The following FOXP1 variants were observed in gnomAD, a reference collection of about 807,000 sequenced individuals.
The protein encoded by FOXP1 is forkhead box P1.
A neutral mutation model predicts 98.2 loss-of-function variants in FOXP1; 15 were observed. The ratio of observed to expected loss-of-function variants is 0.15; its 90% CI spans 0.10 to 0.24. The LOEUF is 0.24. Among genes scored for constraint, FOXP1 ranks in the 10% least tolerant of loss-of-function variants. The pLI, the probability that FOXP1 is intolerant of heterozygous loss-of-function variation, is 1.00. For synonymous variants in FOXP1, 371 were observed against 314.5 expected, an observed-to-expected ratio of 1.18 and a Z score of -1.90; for missense variants, 633 against 848.5, an observed-to-expected ratio of 0.75 and a Z score of 3.15.
chr3:71,315,159 C>A (rs1204482962), intron 4 of FOXP1, among the ~76,000 whole-genome samples: 1 of 150,692 alleles, frequency 6.6e-6, no homozygotes, highest in Non-Finnish European at 1.5e-5. Flanking sequence ...TAGAAACAAG[C>A]CCCTTTATAT....
At chr3:71,086,756 C>G (rs1381648041) in intron 7 of FOXP1, among the ~76,000 whole-genome samples, 1 of 152,176 alleles carries the variant, frequency 6.6e-6, no homozygotes, top group Non-Finnish European at 1.5e-5. Context: ...AGCAGAAAAC[C>G]AATTTATGTA....
chr3:71,539,875 C>CTA, intron 2 of FOXP1, among the ~76,000 whole-genome samples: 1 of 152,262 alleles, frequency 6.6e-6, no homozygotes, highest in South Asian at 2.1e-4. Flanking sequence ...CAGGGAGATA[C>CTA]TATATGTCAA....
At chr3:71,237,174 A>G (rs1012185106) in intron 5 of FOXP1, among the ~76,000 whole-genome samples, 47 of 135,060 alleles carry the variant, frequency 3.5e-4, no homozygotes, top group Admixed American at 6.7e-4. Context: ...AGAGGTTGCA[A>G]TGAACTGAGA....
chr3:71,330,470 A>T (rs529564563), intron 4 of FOXP1, among the ~76,000 whole-genome samples: 1 of 152,354 alleles, frequency 6.6e-6, no homozygotes, highest in South Asian at 2.1e-4. Flanking sequence ...GATATTGACC[A>T]TAGGAATGAA....
chr3:71,237,015 C>T lies in FOXP1; in HGVS notation c.-11-38623G>A, dbSNP rs149302977. Among the ~76,000 whole-genome samples, 732 of 151,428 alleles carry T rather than the reference C, an allele frequency of 4.8e-3. 7 individuals are homozygous for T. The highest frequency in any genetic ancestry group is 0.017 in the African/African-American group (712 of 41,376). ...TTGAAAGGCCGAGGCGGGCAAATCA[C>T]GAGGTCAGGAGTTTGAGACCAGCCT... On this transcript the variant is annotated intron_variant, in intron 5 of 20. Coordinates refer to ENST00000649528, the MANE Select transcript of FOXP1 (RefSeq NM_001349338.3).
intron 4 of FOXP1, among the ~76,000 whole-genome samples, chr3:71,349,789 A>G (rs1236872567): frequency 1.3e-5 from 2 of 152,210 alleles, no homozygotes; most frequent in African/African-American, 4.8e-5. Flanking sequence ...CAGAGGGCTT[A>G]CCAGGTGATA....
At chr3:71,572,504 T>TAA (rs3068915) in intron 2 of FOXP1, 2 of 151,778 alleles carry the variant, frequency 1.3e-5, no homozygotes, top group Non-Finnish European at 2.9e-5. Context: ...TGAATTTTAC[T>TAA]GTTGTTTATT....
chr3:71,065,197 C>T (rs1183013069), intron 7 of FOXP1, among the ~76,000 whole-genome samples: 1 of 151,570 alleles, frequency 6.6e-6, no homozygotes, highest in Non-Finnish European at 1.5e-5. Context: ...TGACCCGCCT[C>T]CGGCTGACGT....
intron 4 of FOXP1, among the ~76,000 whole-genome samples, chr3:71,341,551 C>T (rs1303343964): frequency 1.3e-5 from 2 of 151,922 alleles, no homozygotes; most frequent in Non-Finnish European, 2.9e-5. Context: ...GGTGGATCAC[C>T]TGAGGTCAGG....
At chr3:71,331,260 G>T (rs971481456) in intron 4 of FOXP1, among the ~76,000 whole-genome samples, 1 of 152,202 alleles carries the variant, frequency 6.6e-6, no homozygotes, top group Non-Finnish European at 1.5e-5. Flanking sequence ...GGGCAGTGAG[G>T]GGCTTAGCAC....
intron 7 of FOXP1, among the ~76,000 whole-genome samples, chr3:71,109,110 A>G (rs1451641037): frequency 6.6e-6 from 1 of 152,264 alleles, no homozygotes; most frequent in African/African-American, 2.4e-5. Flanking sequence ...AGCAATATCT[A>G]TACCCGATTA....
intron 5 of FOXP1, among the ~76,000 whole-genome samples, chr3:71,208,117 G>C (rs2064181304): frequency 6.6e-6 from 1 of 152,186 alleles, no homozygotes; most frequent in Non-Finnish European, 1.5e-5. Flanking sequence ...ACTTGACAAA[G>C]AGTACATGCA....
chr3:71,562,094 A>C (rs955774011), intron 2 of FOXP1, among the ~76,000 whole-genome samples: 1 of 152,206 alleles, frequency 6.6e-6, no homozygotes, highest in Non-Finnish European at 1.5e-5. Flanking sequence ...ACCAAGTCTC[A>C]GTCTTGGGCT....
intron 5 of FOXP1, among the ~76,000 whole-genome samples, chr3:71,235,014 G>A (rs1433798213): frequency 6.6e-6 from 1 of 152,096 alleles, no homozygotes; most frequent in African/African-American, 2.4e-5. Context: ...GACTTCTGAA[G>A]GACCAAAAAG....
intron 7 of FOXP1, among the ~76,000 whole-genome samples, chr3:71,071,664 CCT>C (rs766419304): frequency 1.4e-4 from 21 of 152,194 alleles, no homozygotes; most frequent in Non-Finnish European, 2.6e-4. Flanking sequence ...ACCTCCGCCC[CCT>C]GTGTTCAAGC....
intron 3 of FOXP1, among the ~76,000 whole-genome samples, chr3:71,424,824 CA>C (rs1267865892): frequency 2.0e-5 from 3 of 152,178 alleles, no homozygotes; most frequent in Admixed American, 6.5e-5. Flanking sequence ...TTCAAGAATC[CA>C]ATGTTCCCAT....
chr3:71,346,084 C>G (rs1482482394), intron 4 of FOXP1, among the ~76,000 whole-genome samples: 1 of 151,938 alleles, frequency 6.6e-6, no homozygotes, highest in Non-Finnish European at 1.5e-5. Flanking sequence ...GGCCATAGGT[C>G]TAGGTGAAAG....
chr3:71,285,000 T>C (rs544356373), intron 5 of FOXP1, among the ~76,000 whole-genome samples: 1 of 149,322 alleles, frequency 6.7e-6, no homozygotes, highest in South Asian at 2.1e-4. Flanking sequence ...CTTTCTATTC[T>C]ATGTATGTAA....
intron 5 of FOXP1, among the ~76,000 whole-genome samples, chr3:71,232,624 T>TGTG (rs2066385076): frequency 6.6e-6 from 1 of 150,932 alleles, no homozygotes; most frequent in African/African-American, 2.4e-5. Flanking sequence ...CAGGGCTGGG[T>TGTG]GTGGTGGCTC....
Sources: gnomAD v4.1 joint callset for allele counts (sites outside exome capture counted in the v4.1 genomes callset) on GRCh38, gnomAD v4.1.1 for gene constraint, MANE v1.5 for transcripts, NCBI Gene and HGNC (gene_info 2026-07-23, HGNC 2026-07-21) for gene names.